Variants in SLC4A4 observed in about 807,000 individuals in gnomAD.
The protein encoded by SLC4A4 is electrogenic sodium bicarbonate cotransporter 1.
In SLC4A4, 27 loss-of-function variants were observed where a neutral mutation model predicts 111.5. That is an observed-to-expected ratio of 0.24 (90% CI 0.18 to 0.33). The LOEUF is 0.33. SLC4A4 is among the 10% of genes least tolerant of loss of function. The pLI is 1.00. For synonymous variants in SLC4A4, 443 were observed against 463.4 expected (o/e 0.96, Z 0.57); for missense variants, 909 against 1,315.5 (o/e 0.69, Z 4.78).
chr4:71,345,907 A>C (rs1029241764), intron 4 of SLC4A4, among the ~76,000 whole-genome samples: 1 of 151,978 alleles, frequency 6.6e-6, no homozygotes, highest in Non-Finnish European at 1.5e-5. Context: ...CTCCTTAAAA[A>C]CCTCATTTTT....
chr4:71,156,576 G>GCGCA (rs1744474191), intron 2 of SLC4A4, among the ~76,000 whole-genome samples: 2 of 96,792 alleles, frequency 2.1e-5, no homozygotes, highest in South Asian at 1.1e-3. Flanking sequence ...GCGCGCATGC[G>GCGCA]CGCGCGCGCG....
chr4:71,077,035 T>C (rs2148932744), intron 1 of SLC4A4, among the ~76,000 whole-genome samples: 1 of 149,082 alleles, frequency 6.7e-6, no homozygotes, highest in African/African-American at 2.4e-5. Flanking sequence ...CATATACATA[T>C]ATGTAAAAAT....
rs966706389 is a variant in SLC4A4, at chr4:71,570,950, T to C, written c.*3199T>C. ...GAGAGGACTTAACTGACTTAAGAAG[T>C]AGGAAAACAAAAACCTCTCTCCTCA... On this transcript the variant is annotated 3_prime_UTR_variant, in exon 26 of 26. Transcript: ENST00000264485. The C allele has an allele frequency of 3.9e-5, 6 of 152,156 alleles. No homozygotes were observed. Among genetic ancestry groups the C allele is most frequent in the Non-Finnish European group, 8.9e-5 (6 of 67,778 alleles). 9.4% of individuals were successfully genotyped at this position (152,156 alleles called of 1,614,324 possible).
chr4:71,429,837 C>G (rs78469944), intron 7 of SLC4A4, among the ~76,000 whole-genome samples: 2 of 152,052 alleles, frequency 1.3e-5, no homozygotes, highest in Non-Finnish European at 1.5e-5. Context: ...ATTTATTGAG[C>G]GATATCAACC....
chr4:71,522,550 C>T (rs758411024), intron 16 of SLC4A4, among the ~76,000 whole-genome samples: 5 of 152,170 alleles, frequency 3.3e-5, no homozygotes, highest in African/African-American at 7.2e-5. Flanking sequence ...CAGAAAGTCA[C>T]AGAACCGCAT....
chr4:71,145,041 T>A (rs143700794), intron 2 of SLC4A4, among the ~76,000 whole-genome samples: 1 of 152,158 alleles, frequency 6.6e-6, no homozygotes, highest in African/African-American at 2.4e-5. Flanking sequence ...TCAAAGGGAA[T>A]GCTTCGAGTT....
At chr4:71,439,831 G>A (rs557240134) in intron 7 of SLC4A4, among the ~76,000 whole-genome samples, 3 of 151,256 alleles carry the variant, frequency 2.0e-5, no homozygotes, top group African/African-American at 4.9e-5. Context: ...TGGGCTTTTG[G>A]TAGGTAATTC....
In SLC4A4 at chr4:71,547,180, T is replaced by C. The variant is rs1292773031; in HGVS notation, c.2622-468T>C. Among the ~76,000 whole-genome samples, 4 of 152,068 alleles carry C rather than the reference T, an allele frequency of 2.6e-5. No homozygotes were observed. In the South Asian group the frequency reaches 8.3e-4, roughly 31 times the overall value. On this transcript the variant is annotated intron_variant, in intron 19 of 25. Coordinates refer to ENST00000264485, the MANE Select transcript of SLC4A4 (RefSeq NM_001098484.3). ...TGAAAAGTACTTTTGTTGTTGTAGATTTGGAAATTAGACTGATGTGATTTA... is the reference window on the plus strand; with the variant it reads ...TGAAAAGTACTTTTGTTGTTGTAGACTTGGAAATTAGACTGATGTGATTTA...
rs890724689 is a variant in SLC4A4 at position 71,236,740 on chromosome 4, T to A, written c.73+91T>A. 7.2e-6 allele frequency: 8 copies of A among 1,106,330 alleles called. No individual in the cohort carries two copies. The Admixed American group carries it at 9.4e-5, about 13-fold the overall frequency. 68.5% of individuals were successfully genotyped at this position (1,106,330 alleles called of 1,614,324 possible). A position where few individuals can be genotyped will look rare whatever the true frequency, so the allele number is the denominator to read the frequency against. ...ATGCATTTCATATATCTTACATTTTTAAAATGAAACACCAAACCTTTTCTA... is the reference window on the plus strand; with the variant it reads ...ATGCATTTCATATATCTTACATTTTAAAAATGAAACACCAAACCTTTTCTA... On this transcript the variant is annotated intron_variant, in intron 2 of 25. Coordinates refer to ENST00000264485, the MANE Select transcript of SLC4A4 (RefSeq NM_001098484.3).
intron 20 of SLC4A4, among the ~76,000 whole-genome samples, chr4:71,548,839 A>G (rs1022578861): frequency 2.6e-5 from 4 of 151,946 alleles, no homozygotes; most frequent in Non-Finnish European, 5.9e-5. Flanking sequence ...ATCAGATGAA[A>G]TTGAGGAAAG....
At chr4:71,399,448 C>A (rs565856548) in intron 7 of SLC4A4, among the ~76,000 whole-genome samples, 2 of 138,390 alleles carry the variant, frequency 1.4e-5, no homozygotes, top group East Asian at 4.5e-4. Flanking sequence ...CCTCCCCTTC[C>A]GTCCCCTCCC....
chr4:71,224,708 G>C (rs980695219), intron 1 of SLC4A4, among the ~76,000 whole-genome samples: 5 of 152,214 alleles, frequency 3.3e-5, no homozygotes, highest in African/African-American at 1.2e-4. Context: ...GCACACCAAA[G>C]TGGGGAAAGA....
intron 6 of SLC4A4, among the ~76,000 whole-genome samples, chr4:71,371,440 C>T (rs972689544): frequency 7.2e-5 from 11 of 151,824 alleles, no homozygotes; most frequent in Admixed American, 1.3e-4. Flanking sequence ...GACGGGTTTT[C>T]GCCATGTTGG....
chr4:71,121,322 C>T (rs576374929), intron 2 of SLC4A4, among the ~76,000 whole-genome samples: 61 of 152,258 alleles, frequency 4.0e-4, no homozygotes, highest in Middle Eastern at 6.8e-3. Context: ...AGGGCTGAGG[C>T]GTGCAGGTGC....
intron 6 of SLC4A4, among the ~76,000 whole-genome samples, chr4:71,390,674 A>G (rs1018656149): frequency 5.9e-5 from 9 of 152,152 alleles, no homozygotes; most frequent in Admixed American, 1.3e-4. Context: ...TATTCTGCAC[A>G]TAATTGGCAT....
intron 1 of SLC4A4, among the ~76,000 whole-genome samples, chr4:71,188,325 C>T (rs1000926100): frequency 1.3e-5 from 2 of 152,078 alleles, no homozygotes; most frequent in Non-Finnish European, 2.9e-5. Flanking sequence ...TTTTTTCTAT[C>T]CTTCCTTCCC....
At chr4:71,407,829 A>G (rs945251840) in intron 7 of SLC4A4, among the ~76,000 whole-genome samples, 1 of 151,852 alleles carries the variant, frequency 6.6e-6, no homozygotes, top group Non-Finnish European at 1.5e-5. Context: ...GTGAAAGTAG[A>G]TTAGTTAGTT....
At chr4:71,514,188 C>A (rs573283516) in intron 16 of SLC4A4, among the ~76,000 whole-genome samples, 18 of 152,254 alleles carry the variant, frequency 1.2e-4, no homozygotes, top group African/African-American at 4.3e-4. Context: ...TATGTCCCCA[C>A]CCATGTCTCA....
At chr4:71,539,664 T>C (rs7694270) in intron 18 of SLC4A4, among the ~76,000 whole-genome samples, 109,237 of 152,028 alleles carry the variant, frequency 0.72, 39,535 homozygotes, top group Admixed American at 0.76. Context: ...GTTTTTGCTC[T>C]TAGTATATTT....
Sources: allele counts gnomAD v4.1 joint callset (sites outside exome capture counted in the v4.1 genomes callset), GRCh38; gene constraint gnomAD v4.1.1; transcripts MANE v1.5; gene names NCBI Gene and HGNC (gene_info 2026-07-23, HGNC 2026-07-21).